Variants in TMEM120A observed in about 807,000 individuals in gnomAD.
TMEM120A encodes the protein ion channel TACAN.
TMEM120A carries 45 observed loss-of-function variants against 54.3 expected under a neutral mutation model. The observed-to-expected ratio is 0.83, with a 90% CI of 0.65 to 1.06. The LOEUF is 1.06. Ranked by LOEUF, TMEM120A falls within the 50% of genes least tolerant of loss-of-function variation. The pLI is 0.00. For missense variants in TMEM120A, 424 were observed against 441.7 expected (o/e 0.96, Z 0.36); for synonymous variants, 204 against 178.5 (o/e 1.14, Z -1.14).
intron 3 of TMEM120A, among the ~76,000 whole-genome samples, chr7:75,991,082 C>T (rs1189071592): frequency 1.3e-5 from 2 of 152,104 alleles, no homozygotes; most frequent in African/African-American, 4.8e-5. Context: ...ACACTCCTTT[C>T]TTCTCCCTGC....
rs545442639 is a variant in TMEM120A, at chr7:75,988,359, C to T, written c.474-18G>A. ...CTGTCACCCTGCGGAGGGAGGGGAC[C>T]GAGGGTTGGTACTGCAGCGACTGGG... is the stretch of plus-strand genomic sequence containing the variant. On this transcript the variant is annotated intron_variant, in intron 5 of 11. Transcript: ENST00000493111. 23 of 1,516,600 alleles carry T rather than the reference C, an allele frequency of 1.5e-5. No homozygotes were observed. Among genetic ancestry groups the T allele is most frequent in the Middle Eastern group, 1.8e-4 (1 of 5,550 alleles). The allele number at this position is 1,516,600 out of a possible 1,614,324, so 93.9% of individuals were successfully genotyped here. A position where few individuals can be genotyped will look rare whatever the true frequency, so the allele number is the denominator to read the frequency against.
intron 4 of TMEM120A, 118 bp from the exon 5 acceptor site, chr7:75,988,634 G>A: frequency 6.5e-6 from 2 of 308,956 alleles, no homozygotes; most frequent in South Asian, 2.4e-5. Flanking sequence ...GGGTTGGGGG[G>A]TGGAGGGGAA....
intron 3 of TMEM120A, among the ~76,000 whole-genome samples, chr7:75,990,506 C>G (rs993680456): frequency 1.2e-4 from 19 of 152,148 alleles, no homozygotes; most frequent in Admixed American, 2.6e-4. Context: ...ACCCCACAAA[C>G]AGGCAGTAGC....
In TMEM120A at chr7:75,992,451, AG is replaced by A; in HGVS notation, c.187del (p.Leu63SerfsTer3). On this transcript the variant is annotated frameshift_variant, in exon 2 of 12. Coordinates refer to ENST00000493111, the MANE Select transcript of TMEM120A (RefSeq NM_031925.3). LOFTEE classifies it high-confidence loss of function. ...AGGGGATCCTAACTTCTTCAGGGCG[AG>A]GGCCAGCTCCTGGAGCCGCTTCTTC... The part of the protein sequence containing the change: ...RQKKRLQELA[L>X]ALKKCKPSLP... 6.3e-7 allele frequency: 1 copy of A among 1,593,740 alleles called. No homozygotes were observed.
At chr7:75,992,604 G>C (rs868972110) in intron 1 of TMEM120A, 47 bp from the exon 2 acceptor site, 12 of 1,413,456 alleles carry the variant, frequency 8.5e-6, no homozygotes, top group Admixed American at 2.0e-5. Flanking sequence ...GAGCTACTGA[G>C]CCAGAGCCTG....
In TMEM120A at chr7:75,987,770, G is replaced by A. The variant is rs1554560306; in HGVS notation, c.732C>T (p.Cys244=). ...CGCCCAGCGCCCGCAGGCGGTAGAG[G>A]CAGCCGCTCTGGTAGTAGTACTGGA... is the stretch of plus-strand genomic sequence containing the variant. ...QFLQYYYQSG[C]LYRLRALGER... The change falls in exon 9 of 12, where the codon TGC becomes TGT. Residue 244 remains cysteine, a synonymous_variant. Coordinates refer to ENST00000493111, the MANE Select transcript of TMEM120A (RefSeq NM_031925.3). 6.2e-7 allele frequency: 1 copy of A among 1,612,078 alleles called. No individual in the cohort carries two copies. The highest frequency in any genetic ancestry group is 1.1e-5 in the South Asian group (1 of 91,050).
In TMEM120A at chr7:75,994,559, C is replaced by T. The variant is rs371762048; in HGVS notation, c.12G>A (p.Pro4=). The T allele has an allele frequency of 5.9e-5, 91 of 1,548,720 alleles. No individual in the cohort carries two copies. Among genetic ancestry groups the T allele is most frequent in the South Asian group, 7.1e-5 (6 of 84,340 alleles). ...GGCAGTCGCCCAGCGGGCCCGGGGG[C>T]GGGGGCTGCATGGCTGCAGCGCCAG... MQP[P]PPGPLGDCLR... Residue 4 remains proline, a synonymous_variant, in exon 1 of 12, where the codon CCG becomes CCA. Transcript: ENST00000493111.
At position 75,992,192 on chromosome 7, in the gene TMEM120A, C is replaced by T. The variant is rs782756092; in HGVS notation, c.269G>A (p.Arg90His). Residue 90 changes from arginine (R) to histidine (H), a missense_variant, in exon 3 of 12, where the codon CGC becomes CAC. Arg to His is a conservative substitution (Grantham distance 29). Transcript: ENST00000493111. ...CTCCATGTCAAAGAAGAGGCCTTGGCGCTCTTTCATCTGGTTCTCCAGCTC... is the reference window on the plus strand; with the variant it reads ...CTCCATGTCAAAGAAGAGGCCTTGGTGCTCTTTCATCTGGTTCTCCAGCTC... ...AQELENQMKE[R>H]QGLFFDMEAY... The T allele has an allele frequency of 9.9e-6, 16 of 1,612,066 alleles. No individual in the cohort carries two copies. Among genetic ancestry groups the T allele is most frequent in the South Asian group, 4.4e-5 (4 of 90,912 alleles).
rs1456174059 is a variant in TMEM120A at position 75,994,563 on chromosome 7, G to C, written c.8C>G (p.Pro3Arg). The C allele has an allele frequency of 2.6e-6, 4 of 1,543,034 alleles. No individual in the cohort carries two copies. The highest frequency in any genetic ancestry group is 2.6e-6 in the Non-Finnish European group (3 of 1,144,488). Residue 3 changes from proline (P) to arginine (R), a missense_variant, in exon 1 of 12, where the codon CCC becomes CGC. Coordinates refer to ENST00000493111, the MANE Select transcript of TMEM120A (RefSeq NM_031925.3). ...GTCGCCCAGCGGGCCCGGGGGCGGG[G>C]GCTGCATGGCTGCAGCGCCAGTAGC... MQ[P>R]PPPGPLGDCL...
At position 75,994,565 on chromosome 7, in the gene TMEM120A, C is replaced by T. The variant is rs929883176; in HGVS notation, c.6G>A (p.Gln2=). 3.2e-6 allele frequency: 5 copies of T among 1,542,778 alleles called. No individual in the cohort carries two copies. Among genetic ancestry groups the T allele is most frequent in the Non-Finnish European group, 4.4e-6 (5 of 1,144,400 alleles). The change falls in exon 1 of 12, where the codon CAG becomes CAA. Residue 2 remains glutamine (Q), a synonymous_variant. Transcript: ENST00000493111. ...CGCCCAGCGGGCCCGGGGGCGGGGG[C>T]TGCATGGCTGCAGCGCCAGTAGCCA... is the stretch of plus-strand genomic sequence containing the variant. M[Q]PPPPGPLGDC... is the part of the protein sequence containing the mutation.
Position 75,988,236 on chromosome 7 carries a change from G to A in TMEM120A, c.563+16C>T, listed in dbSNP as rs567013437. On this transcript the variant is annotated intron_variant, in intron 6 of 11. Transcript: ENST00000493111. ...CCCATTCCATGCTCCCCTCCCTCAG[G>A]GCCCGCCCTGCCCACCGGGAGCCGT... 5.6e-6 allele frequency: 9 copies of A among 1,611,784 alleles called. No individual in the cohort carries two copies. The South Asian group carries it at 8.8e-5, about 16-fold the overall frequency.
In TMEM120A at chr7:75,987,211, G is replaced by C. The variant is rs782417434; in HGVS notation, c.993C>G (p.His331Gln). ...TCCCGTGCCGCTGACTGTGAAACTT[G>C]TGGTGCACAACCCTCAGGGTGGTGA... ...NFFTTLRVVH[H>Q]KFHSQRHGSK... The change falls in exon 12 of 12, where the codon CAC (histidine) becomes CAG (glutamine). Residue 331 changes from histidine (H) to glutamine (Q), a missense_variant. His to Gln is a conservative substitution (Grantham distance 24, BLOSUM62 0). Coordinates refer to ENST00000493111, the MANE Select transcript of TMEM120A (RefSeq NM_031925.3). 7 of 1,608,470 alleles carry C rather than the reference G, an allele frequency of 4.4e-6. No individual in the cohort carries two copies. Among genetic ancestry groups the C allele is most frequent in the Non-Finnish European group, 5.9e-6 (7 of 1,178,146 alleles).
At chr7:75,990,756 G>A (rs1014673573) in intron 3 of TMEM120A, among the ~76,000 whole-genome samples, 12 of 151,622 alleles carry the variant, frequency 7.9e-5, no homozygotes, top group South Asian at 2.1e-4. Context: ...AAAATTAGCC[G>A]GGTGTGGTGG....
rs1232374483 is a variant in TMEM120A, at chr7:75,988,524, G to A, written c.378-8C>T. The A allele has an allele frequency of 5.6e-6, 9 of 1,600,046 alleles. No individual in the cohort carries two copies. The Admixed American group carries it at 8.5e-5, about 15-fold the overall frequency. On this transcript the variant is annotated splice_polypyrimidine_tract_variant and splice_region_variant and intron_variant, in intron 4 of 11. Coordinates refer to ENST00000493111, the MANE Select transcript of TMEM120A (RefSeq NM_031925.3). ...TCGTCCTTGTAGGCAAACCTGGGGGGCGCAGGCCGGTGAGACGGGTGGGGT... is the reference window on the plus strand; with the variant it reads ...TCGTCCTTGTAGGCAAACCTGGGGGACGCAGGCCGGTGAGACGGGTGGGGT...
chr7:75,993,433 G>A (rs1789922427), intron 1 of TMEM120A, among the ~76,000 whole-genome samples: 1 of 152,260 alleles, frequency 6.6e-6, no homozygotes. Flanking sequence ...GCCCTGGTAG[G>A]TGAGTCTCAA....
rs782749465 is a variant in TMEM120A, at chr7:75,987,261, G to A, written c.943C>T (p.Leu315Phe). The A allele has an allele frequency of 1.9e-6, 3 of 1,605,456 alleles. No homozygotes were observed. The South Asian group carries it at 3.4e-5, about 18-fold the overall frequency. ...AAGAAATTGCCGAGGAAAAGGAGGA[G>A]GAAGGGAAAGCCGCACATAAGCACC... ...WQVLMCGFPFLLLFLGNFFTT... is the reference protein window; with the variant it reads ...WQVLMCGFPFFLLFLGNFFTT... The change falls in exon 12 of 12, where the codon CTC becomes TTC. Residue 315 changes from leucine (L) to phenylalanine (F), a missense_variant. By Grantham distance (22) the Leu-to-Phe change is conservative (BLOSUM62 0). Coordinates refer to ENST00000493111, the MANE Select transcript of TMEM120A (RefSeq NM_031925.3).
Position 75,988,123 on chromosome 7 carries a change from G to C in TMEM120A, c.589C>G (p.His197Asp). 6.2e-7 allele frequency: 1 copy of C among 1,610,284 alleles called. No individual in the cohort carries two copies. Among genetic ancestry groups the C allele is most frequent in the Non-Finnish European group, 8.5e-7 (1 of 1,178,794 alleles). ...SRIKGWWVFH[H>D]YVSTFLSGVM... is the part of the protein sequence containing the mutation. ...CCCGACAGGAAGGTGGACACGTAGT[G>C]ATGGAACACCCACCAGCCTTTGATC... The change falls in exon 7 of 12, where the codon CAC becomes GAC. Residue 197 changes from histidine (H) to aspartate (D), a missense_variant. Transcript: ENST00000493111.
At chr7:75,987,312 G>A in intron 11 of TMEM120A, 27 bp from the exon 12 acceptor site, 1 of 1,574,954 alleles carries the variant, frequency 6.3e-7, no homozygotes, top group Middle Eastern at 1.7e-4. Flanking sequence ...GTGAGGGCTG[G>A]ACATGGGCCT....
Position 75,987,112 on chromosome 7 carries a change from ATCCCC to A in TMEM120A, c.*55_*59del. 2 of 1,416,774 alleles carry A rather than the reference ATCCCC, an allele frequency of 1.4e-6. No individual in the cohort carries two copies. The highest frequency in any genetic ancestry group is 2.0e-6 in the Non-Finnish European group (2 of 1,023,858). The allele number at this position is 1,416,774 out of a possible 1,614,324, so 87.8% of individuals were successfully genotyped here. A position where few individuals can be genotyped will look rare whatever the true frequency, so the allele number is the denominator to read the frequency against. ...CACGCACACTCGAGGGGCGCCTCCC[ATCCCC>A]TCCCACAACACACAGGACAGAAGCC... On this transcript the variant is annotated 3_prime_UTR_variant, in exon 12 of 12. Transcript: ENST00000493111.
Sources: allele counts gnomAD v4.1 joint callset (sites outside exome capture counted in the v4.1 genomes callset), GRCh38; gene constraint gnomAD v4.1.1; transcripts MANE v1.5; gene names NCBI Gene and HGNC (gene_info 2026-07-23, HGNC 2026-07-21).